Variants in SOS1 observed in about 807,000 individuals in gnomAD.
SOS1 encodes the protein SOS Ras/Rac guanine nucleotide exchange factor 1.
SOS1 carries 25 observed loss-of-function variants against 157.6 expected under a neutral mutation model. That is an observed-to-expected ratio of 0.16 (90% confidence interval 0.12 to 0.22). SOS1 has a LOEUF of 0.22. SOS1 is among the 10% of genes least tolerant of loss of function. The probability of loss-of-function intolerance (pLI) is 1.00; values close to 1 mark genes in which losing one functional copy is unlikely to be tolerated. For synonymous variants in SOS1, 528 were observed against 534.0 expected (o/e 0.99, Z 0.16); for missense variants, 1,237 against 1,599.1 (o/e 0.77, Z 3.86).
At chr2:39,037,262 G>A (rs1419244809) in intron 6 of SOS1, among the ~76,000 whole-genome samples, 1 of 152,176 alleles carries the variant, frequency 6.6e-6, no homozygotes, top group African/African-American at 2.4e-5. Context: ...TGAATACAGT[G>A]GACGGAAGAG....
At position 39,074,281 on chromosome 2, in the gene SOS1, C is replaced by T. The variant is rs531429273; in HGVS notation, c.88-6528G>A. ...AGGAGAATCGCTTGAACCCGGGAGG[C>T]AGAGGCTGCAGTGAGCTGAGATCCT... On this transcript the variant is annotated intron_variant, in intron 1 of 22. Coordinates refer to ENST00000402219, the MANE Select transcript of SOS1 (RefSeq NM_005633.4). Among the ~76,000 whole-genome samples the T allele has an allele frequency of 3.1e-4, 46 of 149,754 alleles. No homozygotes were observed. In the South Asian group the frequency reaches 9.0e-3, roughly 29 times the overall value.
chr2:39,049,800 C>T (rs973624186), intron 6 of SOS1, among the ~76,000 whole-genome samples: 1 of 152,112 alleles, frequency 6.6e-6, no homozygotes, highest in African/African-American at 2.4e-5. Flanking sequence ...TGTAAGGCAA[C>T]GTTTTTGTCT....
At chr2:39,005,114 AT>A (rs1157241630) in intron 17 of SOS1, among the ~76,000 whole-genome samples, 1 of 152,210 alleles carries the variant, frequency 6.6e-6, no homozygotes, top group African/African-American at 2.4e-5. Context: ...CTATACATAC[AT>A]ATACACATAC....
chr2:39,014,088 A>C (rs956827398), intron 11 of SOS1, 99 bp from the exon 12 acceptor site: 1 of 841,800 alleles, frequency 1.2e-6, no homozygotes, highest in African/African-American at 1.7e-5. Flanking sequence ...AATCAAGAGA[A>C]TACTGTAAAA....
At chr2:39,110,634 T>A (rs1010304470) in intron 1 of SOS1, among the ~76,000 whole-genome samples, 1 of 152,120 alleles carries the variant, frequency 6.6e-6, no homozygotes, top group Non-Finnish European at 1.5e-5. Context: ...GTATTTCAAT[T>A]CCTACCTTGT....
intron 1 of SOS1, 52 bp from the exon 2 acceptor site, chr2:39,067,805 A>C: frequency 6.4e-7 from 1 of 1,552,694 alleles, no homozygotes; most frequent in East Asian, 2.2e-5. Context: ...TCATTAAACA[A>C]ATTTTTAAAA....
intron 1 of SOS1, among the ~76,000 whole-genome samples, chr2:39,106,926 A>C (rs1052604333): frequency 5.3e-5 from 8 of 152,144 alleles, no homozygotes; most frequent in Admixed American, 5.2e-4. Flanking sequence ...CTTTTGTCTT[A>C]CTGTTCTGTT....
At chr2:39,112,980 G>A (rs1331045024) in intron 1 of SOS1, among the ~76,000 whole-genome samples, 1 of 151,748 alleles carries the variant, frequency 6.6e-6, no homozygotes, top group Admixed American at 6.6e-5. Context: ...AGGCTACAGT[G>A]AGCGGAGATC....
At chr2:39,011,040 C>T (rs1484744684) in intron 14 of SOS1, among the ~76,000 whole-genome samples, 1 of 151,508 alleles carries the variant, frequency 6.6e-6, no homozygotes, top group Non-Finnish European at 1.5e-5. Context: ...GGATTACAGG[C>T]GCCCGTCATC....
chr2:39,008,275 G>A (rs560308701), intron 15 of SOS1, among the ~76,000 whole-genome samples: 12 of 152,246 alleles, frequency 7.9e-5, no homozygotes, highest in African/African-American at 1.7e-4. Context: ...CAGAAGAGGC[G>A]GGTAAGAAGA....
At chr2:39,106,602 C>CAAA (rs11381609) in intron 1 of SOS1, among the ~76,000 whole-genome samples, 1 of 137,540 alleles carries the variant, frequency 7.3e-6, no homozygotes, top group African/African-American at 3.1e-5. Flanking sequence ...AAAAAAAAAA[C>CAAA]AAAAAAAAAA....
chr2:39,121,947 TA>T (rs1273285819), upstream of SOS1, among the ~76,000 whole-genome samples: 1 of 152,218 alleles, frequency 6.6e-6, no homozygotes, highest in East Asian at 1.9e-4. Context: ...ATAGCAACCC[TA>T]TTATTTTCAT....
chr2:39,111,695 T>A (rs1023317567), intron 1 of SOS1, among the ~76,000 whole-genome samples: 1 of 152,090 alleles, frequency 6.6e-6, no homozygotes, highest in East Asian at 1.9e-4. Flanking sequence ...GAGCTCCTAA[T>A]TGTCTTACCT....
In SOS1 at chr2:39,094,014, T is replaced by C. The variant is rs531611603; in HGVS notation, c.88-26261A>G. Among the ~76,000 whole-genome samples, 5 of 152,286 alleles carry C rather than the reference T, an allele frequency of 3.3e-5. No individual in the cohort carries two copies. The South Asian group carries it at 6.2e-4, about 19-fold the overall frequency. On this transcript the variant is annotated intron_variant, in intron 1 of 22. Transcript: ENST00000402219. Reference sequence around the variant, plus strand: ...TGAATGTAGGAGGCTGAGTTTTTCTTCATATATTTCAACTAAAACAGCATA... The same window carrying C: ...TGAATGTAGGAGGCTGAGTTTTTCTCCATATATTTCAACTAAAACAGCATA...
Position 39,007,043 on chromosome 2 carries a change from G to T in SOS1, c.2661C>A (p.Asp887Glu), listed in dbSNP as rs2124503229. 3 of 1,609,388 alleles carry T rather than the reference G, an allele frequency of 1.9e-6. No homozygotes were observed. The South Asian group carries it at 3.3e-5, about 18-fold the overall frequency. ...TGTAGAAACCTACCTCAAATGTGTGGTCTAGTCTGTAAACAGGTGATGAAT... is the reference window on the plus strand; with the variant it reads ...TGTAGAAACCTACCTCAAATGTGTGTTCTAGTCTGTAAACAGGTGATGAAT... The part of the protein sequence containing the change: ...AMNSSPVYRL[D>E]HTFEQIPSRQ... The change falls in exon 16 of 23, where the codon GAC becomes GAA. Residue 887 changes from aspartate to glutamate, a missense_variant. Around this residue, in one of 15 missense-constraint regions of SOS1, gnomAD observed 105 missense variants for 236.0 expected, o/e 0.44. Coordinates refer to ENST00000402219, the MANE Select transcript of SOS1 (RefSeq NM_005633.4).
At chr2:39,082,954 G>A (rs1052340860) in intron 1 of SOS1, among the ~76,000 whole-genome samples, 2 of 152,112 alleles carry the variant, frequency 1.3e-5, no homozygotes, top group Admixed American at 6.5e-5. Context: ...AAAGTTTATC[G>A]GTATTAGTAA....
intron 6 of SOS1, among the ~76,000 whole-genome samples, chr2:39,046,002 G>A (rs1670769885): frequency 6.6e-6 from 1 of 152,116 alleles, no homozygotes; most frequent in South Asian, 2.1e-4. Context: ...ATGAGCCATT[G>A]CGCCAGGCCT....
At chr2:39,080,972 G>A (rs543082724) in intron 1 of SOS1, among the ~76,000 whole-genome samples, 190 of 151,886 alleles carry the variant, frequency 1.3e-3, no homozygotes, top group Middle Eastern at 3.4e-3. Context: ...TATTGCTTGA[G>A]CCTAGGAGTT....
In SOS1 at chr2:39,031,102, G is replaced by T. The variant is rs529522574; in HGVS notation, c.1074+4110C>A. 3.3e-5 allele frequency among the ~76,000 whole-genome samples: 5 copies of T among 152,252 alleles called. No homozygotes were observed. The East Asian group carries it at 9.7e-4, about 29-fold the overall frequency. On this transcript the variant is annotated intron_variant, in intron 8 of 22. Coordinates refer to ENST00000402219, the MANE Select transcript of SOS1 (RefSeq NM_005633.4). Reference sequence around the variant, plus strand: ...ATTCCTCACCTCCAGAACTGTGAAAGAATAAATTTCTGTTGTTTATAAGCC... The same window carrying T: ...ATTCCTCACCTCCAGAACTGTGAAATAATAAATTTCTGTTGTTTATAAGCC...
Sources: gnomAD v4.1 joint callset for allele counts (sites outside exome capture counted in the v4.1 genomes callset) on GRCh38, gnomAD v4.1.1 for gene constraint, gnomAD v4.1.1 regional missense constraint, MANE v1.5 for transcripts, NCBI Gene and HGNC (gene_info 2026-07-23, HGNC 2026-07-21) for gene names.